IP6K1: variants seen among roughly 807,000 people sequenced by gnomAD.
IP6K1 encodes the protein ATP:1D-myo-inositol-hexakisphosphate phosphotransferase.
In IP6K1, 13 loss-of-function variants were observed where a neutral mutation model predicts 38.3. The observed-to-expected ratio is 0.34, with a 90% CI of 0.22 to 0.54. The LOEUF is 0.54. Among genes scored for constraint, IP6K1 ranks in the 20% least tolerant of loss-of-function variants. IP6K1 has a pLI of 0.92. For synonymous variants in IP6K1, 212 were observed against 229.9 expected, an observed-to-expected ratio of 0.92 and a Z score of 0.70; for missense variants, 397 against 599.8, an observed-to-expected ratio of 0.66 and a Z score of 3.53.
chr3:49,742,849 C>G (rs150993899), intron 2 of IP6K1, among the ~76,000 whole-genome samples: 1 of 151,772 alleles, frequency 6.6e-6, no homozygotes, highest in Non-Finnish European at 1.5e-5. Flanking sequence ...TGAGATCGTG[C>G]CACTGCATTC....
intron 1 of IP6K1, among the ~76,000 whole-genome samples, chr3:49,753,255 T>C (rs2080794738): frequency 6.6e-6 from 1 of 152,162 alleles, no homozygotes; most frequent in Non-Finnish European, 1.5e-5. Flanking sequence ...CTAGCTTCTT[T>C]GCACTAGTCA....
intron 1 of IP6K1, chr3:49,749,033 T>C (rs913366615): frequency 2.6e-5 from 4 of 152,290 alleles, no homozygotes; most frequent in East Asian, 3.9e-4. Context: ...TTCATGCTCC[T>C]ATGAGAATCT....
At chr3:49,749,790 C>T (rs1377780454) in intron 1 of IP6K1, among the ~76,000 whole-genome samples, 2 of 151,980 alleles carry the variant, frequency 1.3e-5, no homozygotes, top group African/African-American at 4.8e-5. Flanking sequence ...ATTCTGTACT[C>T]CCAGTCCCCA....
At chr3:49,743,241 TACAC>T (rs202144754) in intron 2 of IP6K1, among the ~76,000 whole-genome samples, 22,985 of 137,158 alleles carry the variant, frequency 0.17, 2,283 homozygotes, top group Non-Finnish European at 0.23. Context: ...AAAAACAAAA[TACAC>T]ACACACACAC....
chr3:49,744,130 C>T (rs894923433), intron 2 of IP6K1, among the ~76,000 whole-genome samples: 3 of 150,850 alleles, frequency 2.0e-5, no homozygotes, highest in Non-Finnish European at 2.9e-5. Flanking sequence ...TGGCCGGGCA[C>T]GGTGGCTCAC....
intron 1 of IP6K1, among the ~76,000 whole-genome samples, chr3:49,770,327 T>G (rs2080946097): frequency 6.6e-6 from 1 of 152,162 alleles, no homozygotes; most frequent in Admixed American, 6.5e-5. Flanking sequence ...GTTATCTATG[T>G]GGGGGAAAAA....
chr3:49,751,506 T>G lies in IP6K1; in HGVS notation c.-128-3338A>C, dbSNP rs149318370. Among the ~76,000 whole-genome samples the G allele has an allele frequency of 6.6e-4, 101 of 152,148 alleles. 1 individual carries two copies. The East Asian group carries it at 0.014, about 20-fold the overall frequency. ...CAGAGGTTACTCCTGAAGTCTGGTG[T>G]CCACAGAGGCTACTGTGAAAACTAC... On this transcript the variant is annotated intron_variant, in intron 1 of 5. Coordinates refer to ENST00000321599, the MANE Select transcript of IP6K1 (RefSeq NM_153273.4).
intron 1 of IP6K1, among the ~76,000 whole-genome samples, chr3:49,782,250 A>G (rs931468965): frequency 2.6e-5 from 4 of 151,644 alleles, no homozygotes; most frequent in African/African-American, 9.7e-5. Flanking sequence ...GGCTCACTGC[A>G]ACCTCCACCT....
chr3:49,766,133 A>G (rs2080909561), intron 1 of IP6K1, among the ~76,000 whole-genome samples: 1 of 151,794 alleles, frequency 6.6e-6, no homozygotes, highest in Non-Finnish European at 1.5e-5. Context: ...CCGAGATTGC[A>G]CCACTGCACT....
At chr3:49,737,688 C>T (rs2080624863) in intron 3 of IP6K1, among the ~76,000 whole-genome samples, 1 of 151,984 alleles carries the variant, frequency 6.6e-6, no homozygotes, top group Admixed American at 6.6e-5. Flanking sequence ...TCAAAACAAA[C>T]AAAAAAACAT....
intron 3 of IP6K1, among the ~76,000 whole-genome samples, chr3:49,737,616 G>A (rs1355117144): frequency 6.6e-6 from 1 of 152,198 alleles, no homozygotes; most frequent in Non-Finnish European, 1.5e-5. Flanking sequence ...AACCCAGGAG[G>A]GAGAGGTTGC....
At chr3:49,728,779 G>T (rs904971182) in intron 4 of IP6K1, among the ~76,000 whole-genome samples, 1 of 152,016 alleles carries the variant, frequency 6.6e-6, no homozygotes, top group East Asian at 1.9e-4. Flanking sequence ...GATTCACCAT[G>T]TTGGCCAGGC....
rs2080516064 is a variant in IP6K1 at position 49,727,303 on chromosome 3, C to T, written c.1145G>A (p.Ser382Asn). 3.7e-6 allele frequency: 6 copies of T among 1,614,166 alleles called. No homozygotes were observed. The South Asian group carries it at 5.5e-5, about 15-fold the overall frequency. ...CGPSTSPSNT[S>N]PEAGPSSQPK... ...CTGAGAGGAGGGACCCGCCTCGGGG[C>T]TGGTGTTGCTGGGGCTGGTGCTGGG... is the stretch of plus-strand genomic sequence containing the variant. Residue 382 changes from serine (S) to asparagine (N), a missense_variant, in exon 6 of 6, where the codon AGC becomes AAC. This residue lies in a region of IP6K1 where 164 missense variants were observed against 213.5 expected (regional missense o/e 0.77). Coordinates refer to ENST00000321599, the MANE Select transcript of IP6K1 (RefSeq NM_153273.4). The surrounding 1 kb of genome is among the most constrained non-coding windows in gnomAD (Gnocchi z 5.9).
chr3:49,775,179 T>TA (rs2080995819), intron 1 of IP6K1: 1 of 158,180 alleles, frequency 6.3e-6, no homozygotes. Flanking sequence ...GGGGCCATTT[T>TA]AAGCATCAAA....
At chr3:49,738,065 G>C (rs551840797) in intron 3 of IP6K1, 147 bp downstream of exon 3, 1 of 657,048 alleles carries the variant, frequency 1.5e-6, no homozygotes, top group African/African-American at 1.8e-5. Flanking sequence ...ATGTGACACA[G>C]AGAAGAGGCT....
intron 1 of IP6K1, among the ~76,000 whole-genome samples, chr3:49,763,104 C>CTT (rs1217162043): frequency 9.4e-5 from 13 of 137,592 alleles, no homozygotes; most frequent in South Asian, 2.4e-4. Flanking sequence ...TCAATTATTT[C>CTT]TTTTTTTTTT....
At chr3:49,746,600 G>C (rs1440066811) in intron 2 of IP6K1, among the ~76,000 whole-genome samples, 1 of 147,618 alleles carries the variant, frequency 6.8e-6, no homozygotes, top group East Asian at 2.1e-4. Context: ...GCTTGAACCC[G>C]GGAGTTGGAG....
intron 1 of IP6K1, among the ~76,000 whole-genome samples, chr3:49,759,826 A>G (rs1217364263): frequency 6.6e-6 from 1 of 152,204 alleles, no homozygotes; most frequent in Non-Finnish European, 1.5e-5. Context: ...TGCCTCACAA[A>G]ATGCCATCAA....
intron 1 of IP6K1, among the ~76,000 whole-genome samples, chr3:49,773,311 G>GT (rs2080975624): frequency 1.3e-5 from 2 of 152,126 alleles, no homozygotes; most frequent in South Asian, 4.1e-4. Flanking sequence ...TGCAAAATAT[G>GT]TAAGATAGCC....
Sources: gnomAD v4.1 joint callset for allele counts (sites outside exome capture counted in the v4.1 genomes callset) on GRCh38, gnomAD v4.1.1 for gene constraint, gnomAD v4.1.1 regional missense constraint, Gnocchi (gnomAD v3.1) non-coding constraint, MANE v1.5 for transcripts, NCBI Gene and HGNC (gene_info 2026-07-23, HGNC 2026-07-21) for gene names.